The following DNM2 variants were observed in gnomAD, a reference collection of about 807,000 sequenced individuals.
DNM2 encodes the protein dynamin-2.
A neutral mutation model predicts 99.0 loss-of-function variants in DNM2; 15 were observed. That is an observed-to-expected ratio of 0.15 (90% CI 0.10 to 0.23). The LOEUF (loss-of-function observed/expected upper bound fraction) is 0.23, where lower values mean the gene tolerates loss of function less well. DNM2 is among the 10% of genes least tolerant of loss of function. The pLI, the probability that DNM2 is intolerant of heterozygous loss-of-function variation, is 1.00. For missense variants in DNM2, 742 were observed against 1,189.4 expected (o/e 0.62, Z 5.53); for synonymous variants, 525 against 481.2 (o/e 1.09, Z -1.19).
chr19:10,815,233 T>C (rs1377850884), intron 15 of DNM2, among the ~76,000 whole-genome samples: 1 of 152,192 alleles, frequency 6.6e-6, no homozygotes, highest in Non-Finnish European at 1.5e-5. Flanking sequence ...CCCATCACCA[T>C]GTAGCCTCTA....
rs57290103 is a variant in DNM2, at chr19:10,760,827, A to ATTTTT, written c.235+1029_235+1033dup. 8.8e-3 allele frequency among the ~76,000 whole-genome samples: 363 copies of ATTTTT among 41,258 alleles called. 68 individuals carry two copies. Among genetic ancestry groups the ATTTTT allele is most frequent in the Non-Finnish European group, 0.013 (314 of 24,148 alleles). The allele number at this position is 41,258 out of a possible 152,430, so 27.1% of individuals were successfully genotyped here. A position where few individuals can be genotyped will look rare whatever the true frequency, so the allele number is the denominator to read the frequency against. ...GTGCACACACCACCACACCCAGCTG[A>ATTTTT]TTTTTTTTTTTTTTTTTGGTAGAGA... On this transcript the variant is annotated intron_variant, in intron 2 of 20. Coordinates refer to ENST00000389253, the MANE Select transcript of DNM2 (RefSeq NM_001005361.3).
chr19:10,723,132 ATTT>A, intron 1 of DNM2, among the ~76,000 whole-genome samples: 1 of 113,912 alleles, frequency 8.8e-6, no homozygotes. Context: ...CACCTGGCTA[ATTT>A]TTTTTTTTTT....
chr19:10,742,473 G>A (rs1345090520), intron 1 of DNM2, among the ~76,000 whole-genome samples: 2 of 152,178 alleles, frequency 1.3e-5, no homozygotes, highest in East Asian at 3.8e-4. Context: ...TGTAGGTGCT[G>A]TTATCCCAAT....
At position 10,796,669 on chromosome 19, in the gene DNM2, C is replaced by A. The variant is rs1479102185; in HGVS notation, c.1197-711C>A. On this transcript the variant is annotated intron_variant, in intron 9 of 20. Coordinates refer to ENST00000389253, the MANE Select transcript of DNM2 (RefSeq NM_001005361.3). This position sits in a 1 kb window ranked among gnomAD's most constrained non-coding sequence, Gnocchi z 5.6. The stretch of plus-strand genomic sequence containing the variant: ...GCTCCGGGAATGGCCTGAATGCCAG[C>A]GACATCATGAGAGCCAGCTGGGGTC... Among the ~76,000 whole-genome samples, 1 of 152,142 alleles carries A rather than the reference C, an allele frequency of 6.6e-6. No individual in the cohort carries two copies. Among genetic ancestry groups the A allele is most frequent in the Non-Finnish European group, 1.5e-5 (1 of 68,016 alleles).
At position 10,830,884 on chromosome 19, in the gene DNM2, G is replaced by A; in HGVS notation, c.2544-94G>A. 6.9e-7 allele frequency: 1 copy of A among 1,440,564 alleles called. No homozygotes were observed. The highest frequency in any genetic ancestry group is 9.4e-7 in the Non-Finnish European group (1 of 1,068,748). The allele number at this position is 1,440,564 out of a possible 1,614,324, so 89.2% of individuals were successfully genotyped here. On this transcript the variant is annotated intron_variant, in intron 20 of 20. Transcript: ENST00000389253. This position sits in a 1 kb window ranked among gnomAD's most constrained non-coding sequence, Gnocchi z 4.8. Reference sequence around the variant, plus strand: ...GCCTGGGAACACCCTGGGGTGGTGTGTGGGTGGGGGCTGGGTCCTCAACCC... The same window carrying A: ...GCCTGGGAACACCCTGGGGTGGTGTATGGGTGGGGGCTGGGTCCTCAACCC...
At chr19:10,803,393 A>G (rs1387690385) in intron 12 of DNM2, among the ~76,000 whole-genome samples, 1 of 152,186 alleles carries the variant, frequency 6.6e-6, no homozygotes, top group Non-Finnish European at 1.5e-5. Context: ...AACCCCTCCT[A>G]GAGATGAGCC....
intron 1 of DNM2, among the ~76,000 whole-genome samples, chr19:10,754,157 A>G (rs2070302423): frequency 6.6e-6 from 1 of 152,086 alleles, no homozygotes; most frequent in South Asian, 2.1e-4. Context: ...TTTTAATGGA[A>G]TGTCCACCCT....
chr19:10,741,828 G>A (rs2069762941), intron 1 of DNM2, among the ~76,000 whole-genome samples: 1 of 152,030 alleles, frequency 6.6e-6, no homozygotes, highest in Non-Finnish European at 1.5e-5. Context: ...TGGGATTACA[G>A]GCGTGAGCCA....
At position 10,786,632 on chromosome 19, in the gene DNM2, C is replaced by T; in HGVS notation, c.918C>T (p.Ser306=). ...GCAAACTACAGAGCCAGCTGCTGTC[C>T]CTGGAGAAGGAGGTGGAGGAGTACA... is the stretch of plus-strand genomic sequence containing the variant. ...LRSKLQSQLL[S]LEKEVEEYKN... The change falls in exon 7 of 21, where the codon TCC becomes TCT. Residue 306 remains serine (S), a synonymous_variant. Coordinates refer to ENST00000389253, the MANE Select transcript of DNM2 (RefSeq NM_001005361.3). 2.5e-6 allele frequency: 4 copies of T among 1,614,144 alleles called. No individual in the cohort carries two copies. Among genetic ancestry groups the T allele is most frequent in the African/African-American group, 1.3e-5 (1 of 75,028 alleles).
Position 10,820,205 on chromosome 19 carries a change from A to T in DNM2, c.1781+116A>T. 1 of 1,010,756 alleles carries T rather than the reference A, an allele frequency of 9.9e-7. No individual in the cohort carries two copies. Among genetic ancestry groups the T allele is most frequent in the Non-Finnish European group, 1.5e-6 (1 of 652,296 alleles). 62.6% of individuals were successfully genotyped at this position (1,010,756 alleles called of 1,614,324 possible). The stretch of plus-strand genomic sequence containing the variant: ...GCTGTCAGCAGTCCCTGCCCTTGGG[A>T]CCCAGCTTTTAGAAAGGGGAGTCAC... On this transcript the variant is annotated intron_variant, in intron 16 of 20. Transcript: ENST00000389253. The surrounding 1 kb of genome is among the most constrained non-coding windows in gnomAD (Gnocchi z 4.3).
intron 2 of DNM2, among the ~76,000 whole-genome samples, chr19:10,760,107 C>T (rs2070568076): frequency 6.6e-6 from 1 of 152,024 alleles, no homozygotes; most frequent in African/African-American, 2.4e-5. Context: ...TATCTTGGCT[C>T]ACTGCAACCT....
At chr19:10,793,622 TG>T in intron 7 of DNM2, 97 bp from the exon 8 acceptor site, 1 of 1,609,520 alleles carries the variant, frequency 6.2e-7, no homozygotes, top group Non-Finnish European at 8.5e-7. Flanking sequence ...TGCTGAAAAA[TG>T]GTAAAAGAAC....
chr19:10,747,613 T>C (rs564480083), intron 1 of DNM2, among the ~76,000 whole-genome samples: 1 of 152,190 alleles, frequency 6.6e-6, no homozygotes, highest in Admixed American at 6.5e-5. Context: ...ATGGCAGATT[T>C]GGCCCATTGT....
At chr19:10,797,257 C>G in intron 9 of DNM2, 123 bp from the exon 10 acceptor site, 3 of 1,410,090 alleles carry the variant, frequency 2.1e-6, no homozygotes, top group Non-Finnish European at 2.9e-6. Context: ...CGCAGGCTCC[C>G]CCATGCATGG....
chr19:10,783,788 C>A (rs1446695302), intron 6 of DNM2, among the ~76,000 whole-genome samples: 1 of 151,690 alleles, frequency 6.6e-6, no homozygotes, highest in Admixed American at 6.6e-5. Flanking sequence ...GCAACCTCCA[C>A]GTCCCAGGTT....
intron 1 of DNM2, among the ~76,000 whole-genome samples, chr19:10,722,543 C>G (rs566817124): frequency 1.3e-5 from 2 of 151,002 alleles, no homozygotes; most frequent in South Asian, 2.1e-4. Flanking sequence ...CGAGGTTTCA[C>G]CATGTTAGCC....
chr19:10,768,250 G>A (rs150501766), intron 2 of DNM2, among the ~76,000 whole-genome samples: 113 of 152,152 alleles, frequency 7.4e-4, no homozygotes, highest in Non-Finnish European at 1.4e-3. Context: ...TCAGGAGATC[G>A]CGATCATCCT....
chr19:10,807,327 A>G (rs562519596), intron 13 of DNM2, among the ~76,000 whole-genome samples: 333 of 150,900 alleles, frequency 2.2e-3, no homozygotes, highest in Non-Finnish European at 3.5e-3. Context: ...TGCAACCTCC[A>G]CCTCCCGGGT....
At chr19:10,783,255 T>C (rs2071437536) in intron 6 of DNM2, 135 bp downstream of exon 6, 1 of 1,376,680 alleles carries the variant, frequency 7.3e-7, no homozygotes, top group Non-Finnish European at 1.0e-6. Flanking sequence ...ACATTTAGCC[T>C]AGGAGTTTGA....
Sources: gnomAD v4.1 joint callset for allele counts (sites outside exome capture counted in the v4.1 genomes callset) on GRCh38, gnomAD v4.1.1 for gene constraint, Gnocchi (gnomAD v3.1) non-coding constraint, MANE v1.5 for transcripts, NCBI Gene and HGNC (gene_info 2026-07-23, HGNC 2026-07-21) for gene names.